ASIC2: variants seen among roughly 807,000 people sequenced by gnomAD.
The protein encoded by ASIC2 is acid sensing ion channel subunit 2.
A neutral mutation model predicts 57.3 loss-of-function variants in ASIC2; 25 were observed. That is an observed-to-expected ratio of 0.44 (90% CI 0.32 to 0.61). The LOEUF is 0.61. ASIC2 is among the 20% of genes least tolerant of loss of function. The pLI is 0.06. For missense variants in ASIC2, 641 were observed against 738.1 expected, an observed-to-expected ratio of 0.87 and a Z score of 1.52; for synonymous variants, 319 against 307.5, an observed-to-expected ratio of 1.04 and a Z score of -0.39.
chr17:33,122,043 C>T (rs2092304713), intron 1 of ASIC2, among the ~76,000 whole-genome samples: 1 of 152,198 alleles, frequency 6.6e-6, no homozygotes, highest in African/African-American at 2.4e-5. Context: ...CACTTGGCTG[C>T]CACCAGATGT....
chr17:34,055,992 A>G (rs1908752207), intron 1 of ASIC2, among the ~76,000 whole-genome samples: 1 of 152,170 alleles, frequency 6.6e-6, no homozygotes, highest in East Asian at 1.9e-4. Context: ...TAGTTGAGAA[A>G]AGAGACTAGG....
At chr17:33,448,171 C>T (rs1294445945) in intron 1 of ASIC2, among the ~76,000 whole-genome samples, 4 of 152,094 alleles carry the variant, frequency 2.6e-5, no homozygotes, top group Non-Finnish European at 5.9e-5. Context: ...CCTCCTACGT[C>T]TCTTTATGTT....
chr17:33,679,425 T>A (rs949665909), intron 1 of ASIC2, among the ~76,000 whole-genome samples: 5 of 152,208 alleles, frequency 3.3e-5, no homozygotes, highest in Non-Finnish European at 5.9e-5. Flanking sequence ...TCTCATTGTT[T>A]TATTCATTCA....
At chr17:34,090,421 G>A (rs957591323) in intron 1 of ASIC2, among the ~76,000 whole-genome samples, 7 of 151,420 alleles carry the variant, frequency 4.6e-5, no homozygotes, top group Non-Finnish European at 7.4e-5. Flanking sequence ...AATGGGAAGT[G>A]CACTGGAGTA....
At chr17:33,337,422 A>T (rs1350823923) in intron 1 of ASIC2, among the ~76,000 whole-genome samples, 1 of 49,724 alleles carries the variant, frequency 2.0e-5, no homozygotes, top group African/African-American at 7.1e-5. Flanking sequence ...CAGGATGAGG[A>T]TTTTAACCTT....
chr17:34,005,321 A>G (rs1906488246), intron 1 of ASIC2: 1 of 152,134 alleles, frequency 6.6e-6, no homozygotes, highest in Non-Finnish European at 1.5e-5. Context: ...TGCTGGCCAC[A>G]GATCATTGGT....
chr17:33,563,369 C>T (rs1238194291), intron 1 of ASIC2, among the ~76,000 whole-genome samples: 1 of 152,212 alleles, frequency 6.6e-6, no homozygotes, highest in Non-Finnish European at 1.5e-5. Flanking sequence ...AAAGAAGTGA[C>T]TGCTCACAGG....
At chr17:33,039,192 C>G (rs2091921167) in intron 3 of ASIC2, among the ~76,000 whole-genome samples, 1 of 150,488 alleles carries the variant, frequency 6.6e-6, no homozygotes, top group African/African-American at 2.5e-5. Context: ...GGCCTTCTGC[C>G]ACAGGGATAG....
chr17:34,087,915 A>G (rs1910171647), intron 1 of ASIC2, among the ~76,000 whole-genome samples: 2 of 151,978 alleles, frequency 1.3e-5, no homozygotes, highest in African/African-American at 4.8e-5. Flanking sequence ...ACTTCTCTGT[A>G]TTGGTTATTC....
chr17:33,873,688 A>G (rs569180640), intron 1 of ASIC2, among the ~76,000 whole-genome samples: 1 of 152,326 alleles, frequency 6.6e-6, no homozygotes, highest in East Asian at 1.9e-4. Flanking sequence ...ACCCAATGCA[A>G]ACTTTCAAAA....
intron 1 of ASIC2, among the ~76,000 whole-genome samples, chr17:33,405,487 CTTTTT>C (rs35049672): frequency 7.4e-6 from 1 of 135,306 alleles, no homozygotes; most frequent in African/African-American, 2.8e-5. Flanking sequence ...TTTTTTCTTT[CTTTTT>C]TTTTTTTTTG....
intron 1 of ASIC2, among the ~76,000 whole-genome samples, chr17:33,195,624 T>G (rs1906592092): frequency 6.6e-6 from 1 of 152,172 alleles, no homozygotes; most frequent in African/African-American, 2.4e-5. Context: ...GTTATCAGAG[T>G]AGACAGACTT....
intron 1 of ASIC2, among the ~76,000 whole-genome samples, chr17:33,325,128 C>T (rs1597683761): frequency 6.6e-6 from 1 of 152,106 alleles, no homozygotes; most frequent in African/African-American, 2.4e-5. Flanking sequence ...AAGAAACAAA[C>T]AAACAAACAA....
intron 1 of ASIC2, among the ~76,000 whole-genome samples, chr17:33,218,321 C>A (rs1310386196): frequency 6.6e-6 from 1 of 152,076 alleles, no homozygotes; most frequent in Non-Finnish European, 1.5e-5. Flanking sequence ...GAATTGGGCT[C>A]GACATGTGCT....
intron 1 of ASIC2, among the ~76,000 whole-genome samples, chr17:33,114,203 A>G (rs958539234): frequency 5.3e-5 from 8 of 152,238 alleles, no homozygotes; most frequent in Admixed American, 5.2e-4. Context: ...GAACAGCTGG[A>G]ATTAATGCAA....
intron 1 of ASIC2, among the ~76,000 whole-genome samples, chr17:33,243,874 C>G (rs564589520): frequency 6.6e-6 from 1 of 152,230 alleles, no homozygotes; most frequent in East Asian, 1.9e-4. Context: ...ACAATCTAAC[C>G]GGGAGTTGGG....
At chr17:33,098,990 A>T (rs1051519902) in intron 2 of ASIC2, among the ~76,000 whole-genome samples, 10 of 150,208 alleles carry the variant, frequency 6.7e-5, no homozygotes, top group East Asian at 1.9e-4. Flanking sequence ...TATATATATA[A>T]AAACAAAATA....
intron 1 of ASIC2, among the ~76,000 whole-genome samples, chr17:33,449,087 A>G (rs1275108319): frequency 1.3e-5 from 2 of 152,218 alleles, no homozygotes; most frequent in Non-Finnish European, 2.9e-5. Context: ...AAACTGTTTT[A>G]TAAACAGAAT....
At chr17:33,331,012 G>C (rs540349279) in intron 1 of ASIC2, among the ~76,000 whole-genome samples, 2 of 152,060 alleles carry the variant, frequency 1.3e-5, no homozygotes, top group African/African-American at 4.8e-5. Context: ...GTTATGAACC[G>C]GGCTGCACAG....
Sources: allele counts gnomAD v4.1 joint callset (sites outside exome capture counted in the v4.1 genomes callset), GRCh38; gene constraint gnomAD v4.1.1; transcripts MANE v1.5; gene names NCBI Gene and HGNC (gene_info 2026-07-23, HGNC 2026-07-21).